ITGAL: variants seen among roughly 807,000 people sequenced by gnomAD.
ITGAL encodes the protein integrin alpha-L.
ITGAL carries 68 observed loss-of-function variants against 138.4 expected under a neutral mutation model. That is an observed-to-expected ratio of 0.49 (90% CI 0.40 to 0.60). The LOEUF is 0.60. Ranked by LOEUF, ITGAL falls within the 20% of genes least tolerant of loss-of-function variation. ITGAL has a pLI of 0.00. For synonymous variants in ITGAL, 561 were observed against 584.3 expected (o/e 0.96, Z 0.57); for missense variants, 1,256 against 1,478.6 (o/e 0.85, Z 2.47).
chr16:30,513,715 T>C (rs2151204242), intron 24 of ITGAL, 56 bp from the exon 25 acceptor site: 4 of 1,394,292 alleles, frequency 2.9e-6, no homozygotes, highest in Non-Finnish European at 4.1e-6. Flanking sequence ...AGAAGCTTCC[T>C]GGAGCCCGGG....
At chr16:30,511,400 G>A (rs1055017325) in intron 24 of ITGAL, among the ~76,000 whole-genome samples, 2 of 152,188 alleles carry the variant, frequency 1.3e-5, no homozygotes, top group Non-Finnish European at 2.9e-5. Flanking sequence ...CAGACTGAGG[G>A]CCAGCTGCAC....
intron 15 of ITGAL, among the ~76,000 whole-genome samples, chr16:30,498,263 CA>C (rs762799726): frequency 1.5e-3 from 172 of 118,040 alleles, no homozygotes; most frequent in Admixed American, 2.1e-3. Flanking sequence ...AGGAGGATCT[CA>C]AAAAAAAAAA....
Position 30,478,909 on chromosome 16 carries a change from G to T in ITGAL, c.328-182G>T, listed in dbSNP as rs557071928. Reference sequence around the variant, plus strand: ...GAGCATCCATTGGCATAGAGCATTGGTAGGATGGGAGGGATGGACAGTAGA... The same window carrying T: ...GAGCATCCATTGGCATAGAGCATTGTTAGGATGGGAGGGATGGACAGTAGA... On this transcript the variant is annotated intron_variant, in intron 4 of 30. Coordinates refer to ENST00000356798, the MANE Select transcript of ITGAL (RefSeq NM_002209.3). 3.3e-5 allele frequency among the ~76,000 whole-genome samples: 5 copies of T among 152,180 alleles called. No homozygotes were observed. The South Asian group carries it at 6.2e-4, about 19-fold the overall frequency.
intron 17 of ITGAL, among the ~76,000 whole-genome samples, chr16:30,502,260 G>A (rs1350052504): frequency 3.4e-4 from 51 of 151,646 alleles, no homozygotes; most frequent in Admixed American, 3.0e-3. Flanking sequence ...AGCTGGGCGT[G>A]GTGGTGGGGG....
intron 20 of ITGAL, among the ~76,000 whole-genome samples, chr16:30,505,832 C>A (rs2050982021): frequency 6.6e-6 from 1 of 152,142 alleles, no homozygotes; most frequent in African/African-American, 2.4e-5. Flanking sequence ...CAGTAAGCAC[C>A]ACTGCACCCC....
intron 21 of ITGAL, among the ~76,000 whole-genome samples, chr16:30,509,642 A>G (rs1329518723): frequency 6.6e-6 from 1 of 152,050 alleles, no homozygotes; most frequent in South Asian, 2.1e-4. Context: ...GTATAGTGGC[A>G]TAAGCATGGC....
chr16:30,507,325 G>A (rs1009635785), intron 21 of ITGAL, among the ~76,000 whole-genome samples: 1 of 152,080 alleles, frequency 6.6e-6, no homozygotes, highest in Non-Finnish European at 1.5e-5. Context: ...CGGGCGAGGT[G>A]GCGGGCGCCT....
At position 30,484,331 on chromosome 16, in the gene ITGAL, G is replaced by A. The variant is rs9796793; in HGVS notation, c.1006+68G>A. 0.069 allele frequency: 103,761 copies of A among 1,500,216 alleles called. 18,730 individuals carry two copies. In the East Asian group the frequency reaches 0.75, roughly 11 times the overall value. 92.9% of individuals were successfully genotyped at this position (1,500,216 alleles called of 1,614,324 possible). A position where few individuals can be genotyped will look rare whatever the true frequency, so the allele number is the denominator to read the frequency against. ...AGAAATTCCCCTGGGACATCAGGCC[G>A]GGCTTGGTGGCTCACACCTGTAATC... On this transcript the variant is annotated intron_variant, in intron 9 of 30. Coordinates refer to ENST00000356798, the MANE Select transcript of ITGAL (RefSeq NM_002209.3).
At position 30,521,608 on chromosome 16, in the gene ITGAL, C is replaced by A. The variant is rs11574950; in HGVS notation, c.3456C>A (p.Pro1152=). The A allele has an allele frequency of 1.2e-6, 2 of 1,614,060 alleles. No homozygotes were observed. Among genetic ancestry groups the A allele is most frequent in the Non-Finnish European group, 1.7e-6 (2 of 1,180,046 alleles). ...QLASGQEAGD[P]GCLKPLHEKD... ...CATCTGGGCAAGAGGCTGGGGATCC[C>A]GGCTGCCTGAAGCCCCTCCATGAGA... Residue 1152 remains proline, a synonymous_variant, in exon 31 of 31, where the codon CCC becomes CCA. Coordinates refer to ENST00000356798, the MANE Select transcript of ITGAL (RefSeq NM_002209.3).
Position 30,522,104 on chromosome 16 carries a change from A to C in ITGAL, c.*439A>C. The C allele has an allele frequency of 6.2e-6, 1 of 162,288 alleles. No individual in the cohort carries two copies. Among genetic ancestry groups the C allele is most frequent in the Non-Finnish European group, 1.3e-5 (1 of 74,246 alleles). The allele number at this position is 162,288 out of a possible 1,614,324, so 10.1% of individuals were successfully genotyped here. On this transcript the variant is annotated 3_prime_UTR_variant, in exon 31 of 31. Transcript: ENST00000356798. This position sits in a 1 kb window ranked among gnomAD's most constrained non-coding sequence, Gnocchi z 4.0. ...AGTCTCTTCTGCTGGCAGAAAGCAA[A>C]TGTGACCTGTGTCACTACGTGACTG...
chr16:30,475,734 CTTTTTT>C (rs35994365), intron 4 of ITGAL, among the ~76,000 whole-genome samples, 154 bp downstream of exon 4: 20 of 81,298 alleles, frequency 2.5e-4, no homozygotes, highest in African/African-American at 1.0e-3. Context: ...ATGAACCAGC[CTTTTTT>C]TTTTTTTTTT....
Position 30,474,224 on chromosome 16 carries a change from G to A in ITGAL, c.90G>A (p.Val30=). 1 of 1,607,926 alleles carries A rather than the reference G, an allele frequency of 6.2e-7. No homozygotes were observed. The highest frequency in any genetic ancestry group is 8.5e-7 in the Non-Finnish European group (1 of 1,177,468). ...FAPASSYNLD[V]RGARSFSPPR... ...CGGCCTCGAGCTACAACCTGGACGT[G>A]CGGGGCGCGCGGAGCTTCTCCCCAC... Residue 30 remains valine, a synonymous_variant, in exon 2 of 31, where the codon GTG becomes GTA. Coordinates refer to ENST00000356798, the MANE Select transcript of ITGAL (RefSeq NM_002209.3).
Position 30,496,433 on chromosome 16 carries a change from C to T in ITGAL, c.1702-3C>T. The T allele has an allele frequency of 6.8e-6, 11 of 1,613,976 alleles. No individual in the cohort carries two copies. Among genetic ancestry groups the T allele is most frequent in the Non-Finnish European group, 9.3e-6 (11 of 1,179,974 alleles). On this transcript the variant is annotated splice_polypyrimidine_tract_variant and splice_region_variant and intron_variant, in intron 14 of 30. Coordinates refer to ENST00000356798, the MANE Select transcript of ITGAL (RefSeq NM_002209.3). ...TTAGTGGCAATTTCTTTCTTGCTCT[C>T]AGCGGATAGAAGGGACCCAAGTGCT...
At chr16:30,493,112 T>G (rs1382095682) in intron 11 of ITGAL, among the ~76,000 whole-genome samples, 2 of 151,944 alleles carry the variant, frequency 1.3e-5, no homozygotes, top group Admixed American at 1.3e-4. Flanking sequence ...GTCTCAAACT[T>G]CTGGCCTAAG....
In ITGAL at chr16:30,511,518, A is replaced by G. The variant is rs143499762; in HGVS notation, c.2786+382A>G. On this transcript the variant is annotated intron_variant, in intron 24 of 30. Coordinates refer to ENST00000356798, the MANE Select transcript of ITGAL (RefSeq NM_002209.3). ...TGAGGCTCAGAGAAGGCCGGCACTT[A>G]CCCAAGGTCCAATAGCTGGAAGTAC... is the stretch of plus-strand genomic sequence containing the variant. Among the ~76,000 whole-genome samples the G allele has an allele frequency of 4.2e-3, 640 of 152,246 alleles. 7 individuals are homozygous for G. Among genetic ancestry groups the G allele is most frequent in the African/African-American group, 0.015 (604 of 41,548 alleles).
At position 30,494,918 on chromosome 16, in the gene ITGAL, C is replaced by T. The variant is rs998691397; in HGVS notation, c.1503+68C>T. On this transcript the variant is annotated intron_variant, in intron 13 of 30. Transcript: ENST00000356798. This position sits in a 1 kb window ranked among gnomAD's most constrained non-coding sequence, Gnocchi z 4.2. ...CAGAGATTCGCAGCTCCCAGTTATT[C>T]TGAAGGCTTTCTCTGTCTGGTCACG... The T allele has an allele frequency of 2.7e-6, 4 of 1,498,416 alleles. No homozygotes were observed. Among genetic ancestry groups the T allele is most frequent in the Non-Finnish European group, 3.6e-6 (4 of 1,112,932 alleles). 92.8% of individuals were successfully genotyped at this position (1,498,416 alleles called of 1,614,324 possible).
chr16:30,513,503 G>A lies in ITGAL; in HGVS notation c.2787-268G>A, dbSNP rs951467320. Reference sequence around the variant, plus strand: ...GGGCCCAGAGGACAGTGGAGACACTGGTGAGGTGGCGCGCAGTGGGGAGGA... The same window carrying A: ...GGGCCCAGAGGACAGTGGAGACACTAGTGAGGTGGCGCGCAGTGGGGAGGA... On this transcript the variant is annotated intron_variant, in intron 24 of 30. Transcript: ENST00000356798. Among the ~76,000 whole-genome samples the A allele has an allele frequency of 2.6e-5, 4 of 152,164 alleles. No homozygotes were observed. In the East Asian group the frequency reaches 7.7e-4, roughly 29 times the overall value.
Position 30,517,011 on chromosome 16 carries a change from C to A in ITGAL, c.2901C>A (p.Pro967=). 1 of 1,613,910 alleles carries A rather than the reference C, an allele frequency of 6.2e-7. No homozygotes were observed. The highest frequency in any genetic ancestry group is 8.5e-7 in the Non-Finnish European group (1 of 1,179,850). Residue 967 remains proline, a synonymous_variant, in exon 26 of 31, where the codon CCC becomes CCA. Transcript: ENST00000356798. The part of the protein sequence containing the change: ...IQPSIHDHNI[P]TLEAVVGVPQ... ...CTTCCATCCACGACCACAACATACC[C>A]ACCCTGGAGGCTGTGGTTGGGGTGC...
chr16:30,521,469 G>C (rs34380835), intron 30 of ITGAL, 23 bp from the exon 31 acceptor site: 26 of 1,599,444 alleles, frequency 1.6e-5, no homozygotes, highest in Non-Finnish European at 1.2e-5. Context: ...TTCTTTGCTC[G>C]TTCAAATTTT....
Sources: gnomAD v4.1 joint callset for allele counts (sites outside exome capture counted in the v4.1 genomes callset) on GRCh38, gnomAD v4.1.1 for gene constraint, Gnocchi (gnomAD v3.1) non-coding constraint, MANE v1.5 for transcripts, NCBI Gene and HGNC (gene_info 2026-07-23, HGNC 2026-07-21) for gene names.